Variants in SHQ1 observed in about 807,000 individuals in gnomAD.
SHQ1 encodes SHQ1, H/ACA ribonucleoprotein assembly factor.
SHQ1 carries 49 observed loss-of-function variants against 53.8 expected under a neutral mutation model. The observed-to-expected ratio is 0.91, with a 90% CI of 0.72 to 1.16. The LOEUF is 1.16. Ranked by LOEUF, SHQ1 falls within the 50% of genes most tolerant of loss-of-function variation. SHQ1 has a pLI of 0.00. For synonymous variants in SHQ1, 243 were observed against 251.0 expected, an observed-to-expected ratio of 0.97 and a Z score of 0.30; for missense variants, 738 against 683.1, an observed-to-expected ratio of 1.08 and a Z score of -0.90.
intron 4 of SHQ1, among the ~76,000 whole-genome samples, chr3:72,833,637 C>G (rs1707907617): frequency 6.6e-6 from 1 of 152,104 alleles, no homozygotes; most frequent in Non-Finnish European, 1.5e-5. Context: ...AAAGTCGAAT[C>G]CTAAGAATCA....
At chr3:72,792,816 ACT>A in intron 10 of SHQ1, 98 bp downstream of exon 10, 6 of 819,182 alleles carry the variant, frequency 7.3e-6, no homozygotes, top group Non-Finnish European at 1.1e-5. Flanking sequence ...AAAAAACACA[ACT>A]TACTCCTCAG....
chr3:72,737,722 A>T, the SHQ1 span, among the ~76,000 whole-genome samples: 2 of 152,200 alleles, frequency 1.3e-5, no homozygotes, highest in South Asian at 4.1e-4. Flanking sequence ...TAATGACACG[A>T]AAAAAAGTCT....
the SHQ1 span, among the ~76,000 whole-genome samples, chr3:72,741,381 T>A: frequency 6.6e-6 from 1 of 150,926 alleles, no homozygotes; most frequent in Non-Finnish European, 1.5e-5. Flanking sequence ...AGGTCAGGAG[T>A]TCGAGACTAG....
downstream of SHQ1, among the ~76,000 whole-genome samples, chr3:72,748,473 T>A (rs1306536596): frequency 6.6e-6 from 1 of 151,794 alleles, no homozygotes; most frequent in Non-Finnish European, 1.5e-5. Flanking sequence ...GACAGATTGC[T>A]TGAGCTCAGG....
chr3:72,802,904 T>A (rs9852143), intron 9 of SHQ1, among the ~76,000 whole-genome samples: 3,058 of 152,190 alleles, frequency 0.02, 108 homozygotes, highest in African/African-American at 0.071. Context: ...TCCACTTTTT[T>A]AAAAAAGCTT....
At chr3:72,797,772 T>C (rs1268571260) in intron 9 of SHQ1, among the ~76,000 whole-genome samples, 1 of 152,186 alleles carries the variant, frequency 6.6e-6, no homozygotes, top group Non-Finnish European at 1.5e-5. Context: ...TGAAAACTAT[T>C]CTCCTCCCAA....
chr3:72,737,885 A>G, the SHQ1 span, among the ~76,000 whole-genome samples: 3 of 152,224 alleles, frequency 2.0e-5, no homozygotes, highest in Admixed American at 2.0e-4. Flanking sequence ...GCTACAATAA[A>G]TATTCAATTG....
intron 10 of SHQ1, chr3:72,772,904 CA>C: frequency 1.2e-6 from 1 of 811,096 alleles, no homozygotes; most frequent in Middle Eastern, 2.5e-4. Flanking sequence ...CAGGCTGTTA[CA>C]ACTTCTAAAT....
chr3:72,823,766 C>T (rs939060929), intron 6 of SHQ1, among the ~76,000 whole-genome samples: 7 of 152,038 alleles, frequency 4.6e-5, no homozygotes, highest in East Asian at 1.9e-4. Context: ...TGATTACTTC[C>T]GGGAAGAAGA....
At position 72,750,340 on chromosome 3, in the gene SHQ1, C is replaced by G. The variant is rs768289731; in HGVS notation, c.1678G>C (p.Ala560Pro). 2 of 1,614,162 alleles carry G rather than the reference C, an allele frequency of 1.2e-6. No individual in the cohort carries two copies. The highest frequency in any genetic ancestry group is 1.7e-6 in the Non-Finnish European group (2 of 1,180,032). The change falls in exon 11 of 11, where the codon GCT (alanine) becomes CCT (proline). Residue 560 changes from alanine to proline, a missense_variant. Physicochemically the swap from Ala to Pro is conservative, Grantham distance 27 (BLOSUM62 -1). Coordinates refer to ENST00000325599, the MANE Select transcript of SHQ1 (RefSeq NM_018130.3). The part of the protein sequence containing the change: ...VQVSEPKGTT[A>P]VNRSNIQERD... ...TCCTGAATATTGCTGCGGTTTACAG[C>G]AGTGGTGCCCTTGGGTTCAGAAACC...
the SHQ1 span, among the ~76,000 whole-genome samples, chr3:72,729,145 GC>G: frequency 1.3e-5 from 2 of 152,190 alleles, no homozygotes; most frequent in Non-Finnish European, 2.9e-5. Context: ...GCCAGGGGAG[GC>G]CCCGAGCTTT....
intron 10 of SHQ1, among the ~76,000 whole-genome samples, chr3:72,778,086 G>A (rs186818658): frequency 6.6e-6 from 1 of 152,248 alleles, no homozygotes; most frequent in Admixed American, 6.5e-5. Context: ...TTAGAGTTGT[G>A]GTTACCAGAA....
the SHQ1 span, among the ~76,000 whole-genome samples, chr3:72,738,635 C>G: frequency 1.3e-5 from 2 of 152,148 alleles, no homozygotes; most frequent in Admixed American, 1.3e-4. Flanking sequence ...CCTGCGGGTG[C>G]CTTCCCCCAA....
intron 10 of SHQ1, among the ~76,000 whole-genome samples, chr3:72,780,975 G>A (rs909118771): frequency 6.6e-6 from 1 of 151,580 alleles, no homozygotes; most frequent in African/African-American, 2.4e-5. Flanking sequence ...GGCTAATTTT[G>A]TATTTTTAGT....
Position 72,812,688 on chromosome 3 carries a change from A to T in SHQ1, c.1043T>A (p.Ile348Lys). ...TATCTTACCCAGTTGCAATATCTTT[A>T]TAGTGTCCCTGTAGGCCTTCATCAC... is the stretch of plus-strand genomic sequence containing the variant. ...KLVMKAYRDTIKILQLGKSAV... is the reference protein window; with the variant it reads ...KLVMKAYRDTKKILQLGKSAV... Residue 348 changes from isoleucine (I) to lysine (K), a missense_variant, in exon 9 of 11, where the codon ATA becomes AAA. Ile to Lys is a moderately radical substitution (Grantham distance 102). Coordinates refer to ENST00000325599, the MANE Select transcript of SHQ1 (RefSeq NM_018130.3). The T allele has an allele frequency of 6.2e-7, 1 of 1,614,120 alleles. No individual in the cohort carries two copies. Among genetic ancestry groups the T allele is most frequent in the Non-Finnish European group, 8.5e-7 (1 of 1,179,998 alleles).
At chr3:72,830,376 T>C (rs1707789711) in intron 5 of SHQ1, among the ~76,000 whole-genome samples, 1 of 150,678 alleles carries the variant, frequency 6.6e-6, no homozygotes, top group South Asian at 2.1e-4. Context: ...TAATCTTATA[T>C]ACATTATTAT....
chr3:72,792,784 CAAA>C (rs59948195), intron 10 of SHQ1, 129 bp downstream of exon 10: 4,785 of 254,790 alleles, frequency 0.019, 1 homozygote, highest in African/African-American at 0.031. Context: ...ACCTCCATCT[CAAA>C]AAAAAAAAAA....
the SHQ1 span, among the ~76,000 whole-genome samples, chr3:72,732,878 T>C: frequency 6.6e-6 from 1 of 151,620 alleles, no homozygotes; most frequent in Non-Finnish European, 1.5e-5. Context: ...CACAGAATTA[T>C]GAGATAAACA....
At chr3:72,805,265 TTA>T (rs1346457382) in intron 9 of SHQ1, among the ~76,000 whole-genome samples, 5 of 152,226 alleles carry the variant, frequency 3.3e-5, no homozygotes, top group Non-Finnish European at 7.3e-5. Flanking sequence ...CTGAAAGTCG[TTA>T]TGTGGTACAT....
Sources: gnomAD v4.1 joint callset for allele counts (sites outside exome capture counted in the v4.1 genomes callset) on GRCh38, gnomAD v4.1.1 for gene constraint, MANE v1.5 for transcripts, NCBI Gene and HGNC (gene_info 2026-07-23, HGNC 2026-07-21) for gene names.